Variants in FNDC1 observed in about 807,000 individuals in gnomAD.
FNDC1 encodes fibronectin type III domain-containing protein 1.
FNDC1 carries 96 observed loss-of-function variants against 168.0 expected under a neutral mutation model. The ratio of observed to expected loss-of-function variants is 0.57; its 90% CI spans 0.48 to 0.68. The LOEUF (loss-of-function observed/expected upper bound fraction) is 0.68, where lower values mean the gene tolerates loss of function less well. FNDC1 is among the 30% of genes least tolerant of loss of function. The pLI is 0.00. For synonymous variants in FNDC1, 1,099 were observed against 1,025.9 expected (o/e 1.07, Z -1.36); for missense variants, 2,587 against 2,482.1 (o/e 1.04, Z -0.90).
At chr6:159,241,248 A>G (rs530232488) in intron 14 of FNDC1, 45 of 152,232 alleles carry the variant, frequency 3.0e-4, no homozygotes, top group Non-Finnish European at 5.6e-4. Context: ...AGACTGAAAT[A>G]TAATTAAAAC....
chr6:159,233,226 G>T lies in FNDC1; in HGVS notation c.2714G>T (p.Gly905Val), dbSNP rs1433011984. The T allele has an allele frequency of 6.2e-7, 1 of 1,613,758 alleles. No individual in the cohort carries two copies. The highest frequency in any genetic ancestry group is 8.5e-7 in the Non-Finnish European group (1 of 1,179,818). Residue 905 changes from glycine (G) to valine (V), a missense_variant, in exon 11 of 23, where the codon GGC becomes GTC. By Grantham distance (109) the Gly-to-Val change is moderately radical (BLOSUM62 -3). Transcript: ENST00000297267. The surrounding 1 kb of genome is among the most constrained non-coding windows in gnomAD (Gnocchi z 4.6). The part of the protein sequence containing the change: ...PSSSRQPISR[G>V]WEDLRRSPQR... ...TCCTCCAGGCAGCCCATCTCCCGGG[G>T]CTGGGAGGACTTAAGGAGAAGCCCG...
At chr6:159,234,503 T>A in intron 11 of FNDC1, 24 bp downstream of exon 11, 1 of 1,610,046 alleles carries the variant, frequency 6.2e-7, no homozygotes, top group Non-Finnish European at 8.5e-7. Flanking sequence ...TCAAACAGTC[T>A]TTCTTTAAGG....
At chr6:159,211,334 C>T (rs1782602227) in intron 4 of FNDC1, among the ~76,000 whole-genome samples, 1 of 152,294 alleles carries the variant, frequency 6.6e-6, no homozygotes, top group East Asian at 1.9e-4. Context: ...GTGAGCATGT[C>T]CTGCCAGGCA....
At chr6:159,253,554 G>A (rs773893726) in intron 17 of FNDC1, among the ~76,000 whole-genome samples, 1 of 152,194 alleles carries the variant, frequency 6.6e-6, no homozygotes, top group Non-Finnish European at 1.5e-5. Context: ...CGAACAGTGT[G>A]AAACTCCTAG....
chr6:159,233,491 C>T lies in FNDC1; in HGVS notation c.2979C>T (p.Pro993=). The T allele has an allele frequency of 6.2e-7, 1 of 1,604,590 alleles. No individual in the cohort carries two copies. The stretch of plus-strand genomic sequence containing the variant: ...GGTCACAGCAGCATCCCAGTGTTCC[C>T]AGAAGGATGACACCCGGCCGGGCCC... ...AARSQQHPSV[P]RRMTPGRAPQ... Residue 993 remains proline, a synonymous_variant, in exon 11 of 23, where the codon CCC becomes CCT. Transcript: ENST00000297267. This position sits in a 1 kb window ranked among gnomAD's most constrained non-coding sequence, Gnocchi z 4.6.
At chr6:159,190,233 A>G (rs576795487) in intron 1 of FNDC1, among the ~76,000 whole-genome samples, 3 of 152,322 alleles carry the variant, frequency 2.0e-5, no homozygotes, top group Admixed American at 6.5e-5. Flanking sequence ...GGGGATGTTC[A>G]GGGAGCTTCC....
intron 14 of FNDC1, 76 bp from the exon 15 acceptor site, chr6:159,246,825 C>T (rs533225305): frequency 2.5e-4 from 253 of 1,015,204 alleles, no homozygotes; most frequent in Non-Finnish European, 3.5e-4. Flanking sequence ...TGAATTGTCA[C>T]GCTCTGGGGC....
In FNDC1 at chr6:159,232,329, C is replaced by G. The variant is rs367899713; in HGVS notation, c.1817C>G (p.Thr606Arg). Residue 606 changes from threonine (T) to arginine (R), a missense_variant, in exon 11 of 23, where the codon ACG becomes AGG. Transcript: ENST00000297267. This position sits in a 1 kb window ranked among gnomAD's most constrained non-coding sequence, Gnocchi z 4.9. ...GATAAGCCTGGCTTTTCCCTGGCCA[C>G]GCAGCCCCGCCCAGGGGCGCCCCCC... ...GVDKPGFSLATQPRPGAPPSA... is the reference protein window; with the variant it reads ...GVDKPGFSLARQPRPGAPPSA... 6.2e-7 allele frequency: 1 copy of G among 1,613,150 alleles called. No homozygotes were observed. Among genetic ancestry groups the G allele is most frequent in the African/African-American group, 1.3e-5 (1 of 74,926 alleles).
At chr6:159,208,325 C>T (rs1562637529) in intron 4 of FNDC1, among the ~76,000 whole-genome samples, 2 of 152,312 alleles carry the variant, frequency 1.3e-5, no homozygotes, top group East Asian at 3.9e-4. Context: ...TAGAGATAAG[C>T]TACGGCCACA....
chr6:159,245,175 T>C (rs1366941335), intron 14 of FNDC1, among the ~76,000 whole-genome samples: 1 of 152,160 alleles, frequency 6.6e-6, no homozygotes, highest in Non-Finnish European at 1.5e-5. Context: ...CCAATCACTT[T>C]CCACCAGATC....
At chr6:159,202,551 G>A (rs1317147170) in intron 4 of FNDC1, among the ~76,000 whole-genome samples, 1 of 152,210 alleles carries the variant, frequency 6.6e-6, no homozygotes, top group Non-Finnish European at 1.5e-5. Context: ...ATTCACTTTA[G>A]TGCTTTGACT....
Position 159,267,807 on chromosome 6 carries a change from C to T in FNDC1, c.5450C>T (p.Thr1817Ile), listed in dbSNP as rs745956945. The change falls in exon 22 of 23, where the codon ACA becomes ATA. Residue 1817 changes from threonine to isoleucine, a missense_variant. Physicochemically the swap from Thr to Ile is moderately conservative, Grantham distance 89 (BLOSUM62 -1). Coordinates refer to ENST00000297267, the MANE Select transcript of FNDC1 (RefSeq NM_032532.3). ...KIYLSDNLKD[T>I]FYSIGDSWGR... Reference sequence around the variant, plus strand: ...CTCAATCAATTCCTTCATGCAGATACATTCTACAGCATTGGAGACAGCTGG... The same window carrying T: ...CTCAATCAATTCCTTCATGCAGATATATTCTACAGCATTGGAGACAGCTGG... 45 of 1,613,606 alleles carry T rather than the reference C, an allele frequency of 2.8e-5. No homozygotes were observed. The highest frequency in any genetic ancestry group is 3.3e-5 in the Non-Finnish European group (39 of 1,179,810).
chr6:159,260,248 A>G (rs1583919882), intron 18 of FNDC1, among the ~76,000 whole-genome samples: 1 of 152,346 alleles, frequency 6.6e-6, no homozygotes, highest in East Asian at 1.9e-4. Context: ...TAGAATCAAG[A>G]GGTGAGGAAA....
At chr6:159,236,703 T>C (rs998217088) in intron 12 of FNDC1, among the ~76,000 whole-genome samples, 2 of 152,214 alleles carry the variant, frequency 1.3e-5, no homozygotes, top group Admixed American at 1.3e-4. Flanking sequence ...TGATTAAACA[T>C]TACACATATT....
chr6:159,195,135 G>A (rs566671787), intron 1 of FNDC1, among the ~76,000 whole-genome samples: 1 of 152,208 alleles, frequency 6.6e-6, no homozygotes, highest in South Asian at 2.1e-4. Flanking sequence ...AAGGTTGCCT[G>A]TAGGGTTTTG....
intron 9 of FNDC1, among the ~76,000 whole-genome samples, chr6:159,227,519 T>G (rs1782977535): frequency 6.6e-6 from 1 of 152,172 alleles, no homozygotes; most frequent in Admixed American, 6.5e-5. Flanking sequence ...TTATGTTTGC[T>G]GACATGTAGG....
At position 159,169,767 on chromosome 6, in the gene FNDC1, G is replaced by C; in HGVS notation, c.109+62G>C. ...TCCCCGCGCACCCTCCTGCGCTCGG[G>C]CCCCGTCGTCCCGCTCAGTGCTGGC... On this transcript the variant is annotated intron_variant, in intron 1 of 22. Transcript: ENST00000297267. This position sits in a 1 kb window ranked among gnomAD's most constrained non-coding sequence, Gnocchi z 6.8. The C allele has an allele frequency of 1.5e-6, 1 of 653,810 alleles. No individual in the cohort carries two copies. Among genetic ancestry groups the C allele is most frequent in the Non-Finnish European group, 2.0e-6 (1 of 490,304 alleles). The allele number at this position is 653,810 out of a possible 1,614,324, so 40.5% of individuals were successfully genotyped here.
At chr6:159,266,504 G>C (rs1777596269) in intron 21 of FNDC1, among the ~76,000 whole-genome samples, 1 of 152,124 alleles carries the variant, frequency 6.6e-6, no homozygotes, top group Non-Finnish European at 1.5e-5. Context: ...CAGCACTTTG[G>C]GAGGCCGAGG....
chr6:159,200,464 AC>A (rs752920887), intron 3 of FNDC1, 48 bp from the exon 4 acceptor site: 71 of 1,424,142 alleles, frequency 5.0e-5, no homozygotes, highest in Non-Finnish European at 6.6e-5. Context: ...AATGTGGAAA[AC>A]CCAACAGTCC....
Sources: gnomAD v4.1 joint callset for allele counts (sites outside exome capture counted in the v4.1 genomes callset) on GRCh38, gnomAD v4.1.1 for gene constraint, Gnocchi (gnomAD v3.1) non-coding constraint, MANE v1.5 for transcripts, NCBI Gene and HGNC (gene_info 2026-07-23, HGNC 2026-07-21) for gene names.